The following LPP variants were observed in gnomAD, a reference collection of about 807,000 sequenced individuals.
LPP encodes the protein LIM domain containing preferred translocation partner in lipoma.
Under a neutral mutation model 60.4 loss-of-function variants are expected in LPP, and 38 were observed. The ratio of observed to expected loss-of-function variants is 0.63; its 90% CI spans 0.49 to 0.83. The LOEUF (loss-of-function observed/expected upper bound fraction) is 0.83, where lower values mean the gene tolerates loss of function less well. Among genes scored for constraint, LPP ranks in the 40% least tolerant of loss-of-function variants. The probability of loss-of-function intolerance (pLI) is 0.00; values close to 1 mark genes in which losing one functional copy is unlikely to be tolerated. For synonymous variants in LPP, 328 were observed against 290.8 expected (o/e 1.13, Z -1.30); for missense variants, 902 against 783.6 (o/e 1.15, Z -1.80).
chr3:188,450,199 A>G (rs1796261641), intron 4 of LPP, among the ~76,000 whole-genome samples: 1 of 152,192 alleles, frequency 6.6e-6, no homozygotes, highest in African/African-American at 2.4e-5. Context: ...GCGCTGAGAC[A>G]TTGGTATTAG....
At chr3:188,702,895 A>C (rs1864759482) in intron 7 of LPP, among the ~76,000 whole-genome samples, 2 of 152,226 alleles carry the variant, frequency 1.3e-5, no homozygotes, top group South Asian at 4.1e-4. Flanking sequence ...CTTGGAGACA[A>C]TGATATCAAA....
chr3:188,204,579 A>T (rs916024710), intron 1 of LPP, among the ~76,000 whole-genome samples: 1 of 152,204 alleles, frequency 6.6e-6, no homozygotes, highest in African/African-American at 2.4e-5. Flanking sequence ...AAATATTTTT[A>T]CACCTGTTGG....
chr3:188,376,111 T>A (rs1383161802), intron 3 of LPP, among the ~76,000 whole-genome samples: 2 of 152,096 alleles, frequency 1.3e-5, no homozygotes, highest in African/African-American at 4.8e-5. Flanking sequence ...TGCTGAGGAG[T>A]GCTTTACTTC....
At chr3:188,467,783 A>G (rs551319602) in intron 4 of LPP, among the ~76,000 whole-genome samples, 16 of 152,270 alleles carry the variant, frequency 1.1e-4, no homozygotes, top group Admixed American at 4.6e-4. Context: ...AGTAGCTTTG[A>G]GAAGCTGGAA....
In LPP at chr3:188,527,153, C is replaced by A. The variant is rs953908341; in HGVS notation, c.429+2366C>A. Reference sequence around the variant, plus strand: ...TTGGAGTAGAATATAGGTCTGGGACCAGCCTGGCCAACATGGTGAAACCCC... The same window carrying A: ...TTGGAGTAGAATATAGGTCTGGGACAAGCCTGGCCAACATGGTGAAACCCC... On this transcript the variant is annotated intron_variant, in intron 6 of 11. Transcript: ENST00000617246. Among the ~76,000 whole-genome samples, 6 of 152,014 alleles carry A rather than the reference C, an allele frequency of 3.9e-5. No homozygotes were observed. In the East Asian group the frequency reaches 1.2e-3, roughly 30 times the overall value.
intron 9 of LPP, among the ~76,000 whole-genome samples, chr3:188,819,455 C>T (rs1753383630): frequency 6.6e-6 from 1 of 151,834 alleles, no homozygotes; most frequent in African/African-American, 2.4e-5. Context: ...CAAAACAAGG[C>T]CCCATACCCT....
intron 9 of LPP, among the ~76,000 whole-genome samples, chr3:188,834,656 A>G (rs1757963318): frequency 6.6e-6 from 1 of 152,192 alleles, no homozygotes; most frequent in Non-Finnish European, 1.5e-5. Flanking sequence ...CTTGTTCAGT[A>G]CAACCTCAGT....
At chr3:188,775,424 G>A (rs1488778645) in intron 9 of LPP, among the ~76,000 whole-genome samples, 3 of 152,118 alleles carry the variant, frequency 2.0e-5, no homozygotes, top group East Asian at 3.8e-4. Context: ...CATTCAGTAG[G>A]GCCTGATGAG....
intron 9 of LPP, among the ~76,000 whole-genome samples, chr3:188,804,379 T>A (rs1748435253): frequency 6.8e-6 from 1 of 146,920 alleles, no homozygotes; most frequent in Non-Finnish European, 1.5e-5. Flanking sequence ...TGAAATAAAT[T>A]AGAAATAGAA....
chr3:188,609,732 C>G lies in LPP; in HGVS notation c.1001C>G (p.Pro334Arg), dbSNP rs764085158. The G allele has an allele frequency of 6.2e-7, 1 of 1,614,140 alleles. No homozygotes were observed. Among genetic ancestry groups the G allele is most frequent in the South Asian group, 1.1e-5 (1 of 91,090 alleles). ...NTWKREPGYT[P>R]PGAGNQNPPG... is the part of the protein sequence containing the mutation. ...TGGAAACGGGAACCAGGGTACACTC[C>G]TCCTGGAGCAGGGAACCAGAACCCT... is the stretch of plus-strand genomic sequence containing the variant. Residue 334 changes from proline to arginine, a missense_variant, in exon 7 of 12, where the codon CCT (proline) becomes CGT (arginine). Coordinates refer to ENST00000617246, the MANE Select transcript of LPP (RefSeq NM_001375462.1). The surrounding 1 kb of genome is among the most constrained non-coding windows in gnomAD (Gnocchi z 6.9).
intron 7 of LPP, among the ~76,000 whole-genome samples, chr3:188,675,377 G>A (rs1257363323): frequency 6.6e-6 from 1 of 152,192 alleles, no homozygotes; most frequent in Non-Finnish European, 1.5e-5. Flanking sequence ...TGCTCAACAA[G>A]TAGACCAAAC....
At chr3:188,515,810 G>A (rs566034536) in intron 5 of LPP, among the ~76,000 whole-genome samples, 3 of 152,238 alleles carry the variant, frequency 2.0e-5, no homozygotes, top group South Asian at 4.2e-4. Context: ...AGGATTTTAG[G>A]GAAGGGGACT....
In LPP at chr3:188,276,699, C is replaced by CTCTCTCTCTCTCTCTCTCTCTCTT. The variant is rs1739927936; in HGVS notation, c.-67+51195_-67+51196insTTCTCTCTCTCTCTCTCTCTCTCT. ...TCTCTCTCTCTCTCTCTCTCTTTCT[C>CTCTCTCTCTCTCTCTCTCTCTCTT]TCTCTCTCTCTCTCTCTCTCTCTCT... On this transcript the variant is annotated intron_variant, in intron 2 of 11. Transcript: ENST00000617246. Among the ~76,000 whole-genome samples, 3 of 115,898 alleles carry CTCTCTCTCTCTCTCTCTCTCTCTT rather than the reference C, an allele frequency of 2.6e-5. 1 individual carries two copies. The allele number at this position is 115,898 out of a possible 152,430, so 76.0% of individuals were successfully genotyped here.
chr3:188,396,946 G>A (rs570142269), intron 3 of LPP, among the ~76,000 whole-genome samples: 1 of 152,306 alleles, frequency 6.6e-6, no homozygotes, highest in South Asian at 2.1e-4. Flanking sequence ...CAGAAACTGA[G>A]GTCCAGAGAG....
chr3:188,731,522 T>TTTTG (rs1553817807), intron 8 of LPP, among the ~76,000 whole-genome samples: 1 of 151,462 alleles, frequency 6.6e-6, no homozygotes, highest in Non-Finnish European at 1.5e-5. Flanking sequence ...GTTTTTTTTG[T>TTTTG]TTTGTTTTGT....
chr3:188,298,819 C>T (rs1333920236), intron 2 of LPP, among the ~76,000 whole-genome samples: 1 of 152,118 alleles, frequency 6.6e-6, no homozygotes. Flanking sequence ...CAGGCCCATT[C>T]CCATCATGAG....
At chr3:188,393,227 A>C (rs1294829975) in intron 3 of LPP, among the ~76,000 whole-genome samples, 2 of 151,964 alleles carry the variant, frequency 1.3e-5, no homozygotes, top group African/African-American at 4.8e-5. Flanking sequence ...CAGGAGAAAG[A>C]GGCTGAGTGA....
chr3:188,203,535 TTAAA>T lies in LPP; in HGVS notation c.-189-21867_-189-21864del, dbSNP rs1478466475. The stretch of plus-strand genomic sequence containing the variant: ...TATTTAAATATATATAAATATATAT[TTAAA>T]TATATATATATTTTTAAATATATAT... On this transcript the variant is annotated intron_variant, in intron 1 of 11. Transcript: ENST00000617246. 4.2e-5 allele frequency among the ~76,000 whole-genome samples: 4 copies of T among 95,224 alleles called. No individual in the cohort carries two copies. In the East Asian group the frequency reaches 1.1e-3, roughly 27 times the overall value. 62.5% of individuals were successfully genotyped at this position (95,224 alleles called of 152,430 possible). A position where few individuals can be genotyped will look rare whatever the true frequency, so the allele number is the denominator to read the frequency against.
chr3:188,234,936 C>T (rs1254628163), intron 2 of LPP, among the ~76,000 whole-genome samples: 1 of 152,226 alleles, frequency 6.6e-6, no homozygotes, highest in African/African-American at 2.4e-5. Flanking sequence ...TGTTCCCCTT[C>T]TTCCAACTCC....
Sources: gnomAD v4.1 joint callset for allele counts (sites outside exome capture counted in the v4.1 genomes callset) on GRCh38, gnomAD v4.1.1 for gene constraint, Gnocchi (gnomAD v3.1) non-coding constraint, MANE v1.5 for transcripts, NCBI Gene and HGNC (gene_info 2026-07-23, HGNC 2026-07-21) for gene names.